MKLN1: variants seen among roughly 807,000 people sequenced by gnomAD.
MKLN1 encodes muskelin.
MKLN1 carries 18 observed loss-of-function variants against 99.0 expected under a neutral mutation model. The observed-to-expected ratio is 0.18, with a 90% CI of 0.13 to 0.27. The LOEUF (loss-of-function observed/expected upper bound fraction) is 0.27, where lower values mean the gene tolerates loss of function less well. Ranked by LOEUF, MKLN1 falls within the 10% of genes least tolerant of loss-of-function variation. The pLI is 1.00. For synonymous variants in MKLN1, 288 were observed against 293.2 expected, an observed-to-expected ratio of 0.98 and a Z score of 0.18; for missense variants, 621 against 875.9, an observed-to-expected ratio of 0.71 and a Z score of 3.67.
intron 3 of MKLN1, among the ~76,000 whole-genome samples, chr7:131,285,510 C>T (rs369368177): frequency 5.6e-4 from 86 of 152,266 alleles, no homozygotes; most frequent in African/African-American, 1.9e-3. Flanking sequence ...GAGGACCTGT[C>T]GTAATTGGAC....
In MKLN1 at chr7:131,368,464, G is replaced by A. The variant is rs990651411; in HGVS notation, c.99-6960G>A. Reference sequence around the variant, plus strand: ...GACTCACAGGTCTGTAGGCTTGATAGGAAGCATGACTGGGAGGCCTCAGGA... The same window carrying A: ...GACTCACAGGTCTGTAGGCTTGATAAGAAGCATGACTGGGAGGCCTCAGGA... On this transcript the variant is annotated intron_variant, in intron 1 of 17. Coordinates refer to ENST00000352689, the MANE Select transcript of MKLN1 (RefSeq NM_013255.5). 3.9e-5 allele frequency among the ~76,000 whole-genome samples: 6 copies of A among 152,246 alleles called. No homozygotes were observed. The East Asian group carries it at 1.2e-3, about 29-fold the overall frequency.
chr7:131,463,442 A>C (rs573056938), intron 13 of MKLN1, 78 bp downstream of exon 13: 1 of 1,402,408 alleles, frequency 7.1e-7, no homozygotes, highest in African/African-American at 1.4e-5. Flanking sequence ...AAAGAGAGAA[A>C]TGAGAGTATT....
chr7:131,192,078 CATATATATTATATATATA>C (rs1796553345), intron 2 of MKLN1, among the ~76,000 whole-genome samples: 1 of 84,092 alleles, frequency 1.2e-5, no homozygotes, highest in African/African-American at 5.4e-5. Flanking sequence ...TATATATATA[CATATATATTATATATATA>C]TGTATATATA....
At chr7:131,123,305 G>C (rs1022654628) in intron 1 of MKLN1, among the ~76,000 whole-genome samples, 1 of 152,264 alleles carries the variant, frequency 6.6e-6, no homozygotes, top group Non-Finnish European at 1.5e-5. Context: ...GGCCTTCCTG[G>C]CCCTACAGTC....
intron 3 of MKLN1, among the ~76,000 whole-genome samples, chr7:131,308,732 T>A (rs1267208020): frequency 6.6e-6 from 1 of 152,014 alleles, no homozygotes; most frequent in Admixed American, 6.6e-5. Context: ...ATTATAGGCA[T>A]GTGCCACCAC....
chr7:131,249,567 T>G (rs944123348), intron 3 of MKLN1, among the ~76,000 whole-genome samples: 1 of 152,102 alleles, frequency 6.6e-6, no homozygotes, highest in Non-Finnish European at 1.5e-5. Context: ...GAACTGACAG[T>G]TTAGCAGAGA....
rs756818048 is a variant in MKLN1 at position 131,495,841 on chromosome 7, T to C, written c.*8113T>C. 7 of 152,308 alleles carry C rather than the reference T, an allele frequency of 4.6e-5. No individual in the cohort carries two copies. Among genetic ancestry groups the C allele is most frequent in the Non-Finnish European group, 8.8e-5 (6 of 68,022 alleles). The allele number at this position is 152,308 out of a possible 1,614,324, so 9.4% of individuals were successfully genotyped here. A position where few individuals can be genotyped will look rare whatever the true frequency, so the allele number is the denominator to read the frequency against. On this transcript the variant is annotated 3_prime_UTR_variant, in exon 18 of 18. Coordinates refer to ENST00000352689, the MANE Select transcript of MKLN1 (RefSeq NM_013255.5). The stretch of plus-strand genomic sequence containing the variant: ...TTGGAAATTTCAACCCTAAGACTCA[T>C]TGGAATTTCTAAGTCCGTTATGCAC...
At chr7:131,153,645 T>C (rs1396153227) in intron 2 of MKLN1, among the ~76,000 whole-genome samples, 1 of 145,746 alleles carries the variant, frequency 6.9e-6, no homozygotes, top group East Asian at 2.0e-4. Context: ...AGCTACAAAA[T>C]GAAAGTAGGT....
intron 8 of MKLN1, among the ~76,000 whole-genome samples, chr7:131,427,069 C>G (rs1342466872): frequency 6.6e-6 from 1 of 152,120 alleles, no homozygotes; most frequent in Admixed American, 6.6e-5. Flanking sequence ...ATGAAAAAAA[C>G]TAAAACCTAG....
intron 1 of MKLN1, among the ~76,000 whole-genome samples, chr7:131,128,211 AAAAAAAAAAACAAC>A (rs1795492826): frequency 7.1e-6 from 1 of 140,860 alleles, no homozygotes; most frequent in Admixed American, 7.6e-5. Flanking sequence ...GATTCAAAAA[AAAAAAAAAAACAAC>A]AAACAAAAAA....
intron 6 of MKLN1, among the ~76,000 whole-genome samples, chr7:131,402,646 T>G (rs1794583818): frequency 6.6e-6 from 1 of 152,208 alleles, no homozygotes. Context: ...TCTAAATGAC[T>G]CCTTGATTCA....
intron 3 of MKLN1, among the ~76,000 whole-genome samples, chr7:131,256,380 G>A (rs1584871576): frequency 1.3e-5 from 2 of 152,234 alleles, no homozygotes; most frequent in East Asian, 3.9e-4. Context: ...CCACATAGAA[G>A]AACAAAAAGG....
rs1554526043 is a variant in MKLN1 at position 131,127,179 on chromosome 7, A to AAAAG, written c.-418-15633_-418-15630dup. On this transcript the variant is annotated intron_variant, in intron 1 of 7. Transcript: ENST00000416992. Reference sequence around the variant, plus strand: ...AAACTCCATCTCAAAAAAAAAAAAAAAAAGAAAGAAAAGAATAGAAGAAAA... The same window carrying AAAAG: ...AAACTCCATCTCAAAAAAAAAAAAAAAAAGAAAGAAAGAAAAGAATAGAAGAAAA... Among the ~76,000 whole-genome samples, 40 of 140,878 alleles carry AAAAG rather than the reference A, an allele frequency of 2.8e-4. 2 individuals are homozygous for AAAAG. Among genetic ancestry groups the AAAAG allele is most frequent in the Non-Finnish European group, 4.2e-4 (28 of 66,830 alleles). 92.4% of individuals were successfully genotyped at this position (140,878 alleles called of 152,430 possible).
chr7:131,327,619 G>A (rs1481580608), upstream of MKLN1: 1 of 412,734 alleles, frequency 2.4e-6, no homozygotes, highest in Admixed American at 4.1e-5. Context: ...CCTTACCTCT[G>A]CTTGTAAGAA....
intron 3 of MKLN1, among the ~76,000 whole-genome samples, chr7:131,226,944 C>A (rs774838673): frequency 2.0e-5 from 3 of 152,114 alleles, no homozygotes; most frequent in Admixed American, 6.6e-5. Flanking sequence ...ATGGATTCAG[C>A]AATAATTTGA....
chr7:131,490,350 A>G lies in MKLN1; in HGVS notation c.*2622A>G, dbSNP rs1486646712. 1.3e-5 allele frequency: 2 copies of G among 152,540 alleles called. No homozygotes were observed. Among genetic ancestry groups the G allele is most frequent in the African/African-American group, 2.4e-5 (1 of 41,438 alleles). The allele number at this position is 152,540 out of a possible 1,614,324, so 9.4% of individuals were successfully genotyped here. On this transcript the variant is annotated 3_prime_UTR_variant, in exon 18 of 18. Transcript: ENST00000352689. Reference sequence around the variant, plus strand: ...AACCTCATTTATCCTTTTTCCTAGTATAATACATTGTTTTCAACCAGAAAT... The same window carrying G: ...AACCTCATTTATCCTTTTTCCTAGTGTAATACATTGTTTTCAACCAGAAAT...
At chr7:131,217,254 A>G (rs150392963) in intron 3 of MKLN1, among the ~76,000 whole-genome samples, 346 of 152,378 alleles carry the variant, frequency 2.3e-3, no homozygotes, top group African/African-American at 8.0e-3. Flanking sequence ...ATAAAAATAA[A>G]TTATTTTTTT....
chr7:131,292,190 A>G (rs182209275), intron 3 of MKLN1, among the ~76,000 whole-genome samples: 10 of 152,282 alleles, frequency 6.6e-5, no homozygotes, highest in Admixed American at 5.2e-4. Context: ...TGTTGTTTGT[A>G]TGGTTGTATA....
In MKLN1 at chr7:131,422,169, G is replaced by A. The variant is rs533600967; in HGVS notation, c.848-6864G>A. 5.3e-5 allele frequency among the ~76,000 whole-genome samples: 8 copies of A among 152,290 alleles called. No homozygotes were observed. In the East Asian group the frequency reaches 1.5e-3, roughly 29 times the overall value. On this transcript the variant is annotated intron_variant, in intron 8 of 17. Transcript: ENST00000352689. ...GATTCTTTATCTGTTGAAGTTAGGT[G>A]CAACATGTTGTCTGTTTGCAAATTT...
Sources: gnomAD v4.1 joint callset for allele counts (sites outside exome capture counted in the v4.1 genomes callset) on GRCh38, gnomAD v4.1.1 for gene constraint, MANE v1.5 for transcripts, NCBI Gene and HGNC (gene_info 2026-07-23, HGNC 2026-07-21) for gene names.